SEPTIN12: variants seen among roughly 807,000 people sequenced by gnomAD.
The protein encoded by SEPTIN12 is septin-12.
A neutral mutation model predicts 37.7 loss-of-function variants in SEPTIN12; 42 were observed. That is an observed-to-expected ratio of 1.11 (90% CI 0.87 to 1.44). The LOEUF (loss-of-function observed/expected upper bound fraction) is 1.44. Among genes scored for constraint, SEPTIN12 ranks in the 40% most tolerant of loss-of-function variants. The pLI is 0.00. For synonymous variants in SEPTIN12, 254 were observed against 196.7 expected (o/e 1.29, Z -2.44); for missense variants, 613 against 479.2 (o/e 1.28, Z -2.61).
In SEPTIN12 at chr16:4,779,924, C is replaced by G; in HGVS notation, c.727-138G>C. ...CATGGTAGAAAGTGCACAGAATTCC[C>G]AAGTTCAAAGACATAAAGTCTAATT... is the stretch of plus-strand genomic sequence containing the variant. On this transcript the variant is annotated intron_variant, in intron 7 of 9. Coordinates refer to ENST00000268231, the MANE Select transcript of SEPTIN12 (RefSeq NM_144605.5). 5 of 678,142 alleles carry G rather than the reference C, an allele frequency of 7.4e-6. No individual in the cohort carries two copies. The South Asian group carries it at 8.0e-5, about 11-fold the overall frequency. 42.0% of individuals were successfully genotyped at this position (678,142 alleles called of 1,614,324 possible).
At chr16:4,785,437 C>T (rs892909792) in intron 4 of SEPTIN12, among the ~76,000 whole-genome samples, 9 of 151,740 alleles carry the variant, frequency 5.9e-5, no homozygotes, top group Admixed American at 2.0e-4. Flanking sequence ...GGGAGGGGCA[C>T]GGACAGGAGG....
At chr16:4,785,708 G>T (rs540295564) in intron 4 of SEPTIN12, 99 bp downstream of exon 4, 13 of 832,200 alleles carry the variant, frequency 1.6e-5, no homozygotes, top group Non-Finnish European at 1.8e-5. Context: ...AACCTGGGAG[G>T]TGGAGGTTGC....
Position 4,785,906 on chromosome 16 carries a change from A to G in SEPTIN12, c.293-18T>C. 7.1e-7 allele frequency: 1 copy of G among 1,413,002 alleles called. No homozygotes were observed. Among genetic ancestry groups the G allele is most frequent in the South Asian group, 1.1e-5 (1 of 87,904 alleles). 87.5% of individuals were successfully genotyped at this position (1,413,002 alleles called of 1,614,324 possible). A position where few individuals can be genotyped will look rare whatever the true frequency, so the allele number is the denominator to read the frequency against. ...CTCTATGACTGTGGAGGGAGAGCAG[A>G]GTCGGGAGAGACTGGACCCAGGTGG... is the stretch of plus-strand genomic sequence containing the variant. On this transcript the variant is annotated intron_variant, in intron 3 of 9. Coordinates refer to ENST00000268231, the MANE Select transcript of SEPTIN12 (RefSeq NM_144605.5).
rs952525438 is a variant in SEPTIN12 at position 4,782,610 on chromosome 16, C to CT, written c.726+851dup. On this transcript the variant is annotated intron_variant, in intron 7 of 9. Transcript: ENST00000268231. ...CAGTTCCTCCACATCTTCCACAGCACTTTTTTTTTTAAGCTGGAGTTTTGC... is the reference window on the plus strand; with the variant it reads ...CAGTTCCTCCACATCTTCCACAGCACTTTTTTTTTTTAAGCTGGAGTTTTGC... 2.1e-3 allele frequency among the ~76,000 whole-genome samples: 314 copies of CT among 148,994 alleles called. 3 individuals are homozygous for CT. The East Asian group carries it at 0.048, about 23-fold the overall frequency.
At chr16:4,790,562 G>T (rs912002525), upstream of SEPTIN12, among the ~76,000 whole-genome samples, 4 of 152,176 alleles carry the variant, frequency 2.6e-5, no homozygotes, top group Non-Finnish European at 5.9e-5. Flanking sequence ...GGCCAAGGTG[G>T]GCAGATCACT....
At chr16:4,782,623 G>A (rs1447156302) in intron 7 of SEPTIN12, among the ~76,000 whole-genome samples, 1 of 151,632 alleles carries the variant, frequency 6.6e-6, no homozygotes, top group East Asian at 1.9e-4. Context: ...TTTTTTTTAA[G>A]CTGGAGTTTT....
upstream of SEPTIN12, among the ~76,000 whole-genome samples, chr16:4,790,234 T>C (rs1390285346): frequency 2.0e-5 from 3 of 152,178 alleles, no homozygotes; most frequent in Admixed American, 2.0e-4. Flanking sequence ...GGTCCCTATT[T>C]TAGGCTTTGC....
Position 4,777,725 on chromosome 16 carries a change from T to C in SEPTIN12, c.*72A>G. ...AGCAAGGCTCACATTTAATAGATGC[T>C]CTGGTACATAGGTGTGTGTTGAGAG... is the stretch of plus-strand genomic sequence containing the variant. On this transcript the variant is annotated 3_prime_UTR_variant, in exon 10 of 10. Transcript: ENST00000268231. 1 of 1,081,198 alleles carries C rather than the reference T, an allele frequency of 9.2e-7. No individual in the cohort carries two copies. The highest frequency in any genetic ancestry group is 2.9e-5 in the Admixed American group (1 of 34,006). 67.0% of individuals were successfully genotyped at this position (1,081,198 alleles called of 1,614,324 possible).
rs1596254891 is a variant in SEPTIN12 at position 4,783,872 on chromosome 16, C to T, written c.512+59G>A. ...AGCCGGCAGCCCATGGTGGGGACCC[C>T]TTCTCCTCCTCCCTGCCCCGTGCAG... On this transcript the variant is annotated intron_variant, in intron 5 of 9. Coordinates refer to ENST00000268231, the MANE Select transcript of SEPTIN12 (RefSeq NM_144605.5). The T allele has an allele frequency of 2.5e-6, 4 of 1,609,358 alleles. No homozygotes were observed. The East Asian group carries it at 6.7e-5, about 27-fold the overall frequency.
rs758121651 is a variant in SEPTIN12, at chr16:4,777,788, C to T, written c.*9G>A. On this transcript the variant is annotated 3_prime_UTR_variant, in exon 10 of 10. Transcript: ENST00000268231. ...CAGGAAGCCCAGCAGCCCCGGGATCCGCCGGTGGTCAGAACTCATCATCAG... is the reference window on the plus strand; with the variant it reads ...CAGGAAGCCCAGCAGCCCCGGGATCTGCCGGTGGTCAGAACTCATCATCAG... 1.3e-5 allele frequency: 19 copies of T among 1,505,710 alleles called. No homozygotes were observed. Among genetic ancestry groups the T allele is most frequent in the South Asian group, 1.1e-4 (8 of 76,168 alleles). The allele number at this position is 1,505,710 out of a possible 1,614,324, so 93.3% of individuals were successfully genotyped here.
rs114013001 is a variant in SEPTIN12 at position 4,781,216 on chromosome 16, G to C, written c.727-1430C>G. On this transcript the variant is annotated intron_variant, in intron 7 of 9. Transcript: ENST00000268231. Reference sequence around the variant, plus strand: ...AGGGGTTGCAGTGAGCGGAGATCACGCCACTATACTCCAGCTTGGGTGACA... The same window carrying C: ...AGGGGTTGCAGTGAGCGGAGATCACCCCACTATACTCCAGCTTGGGTGACA... 1.6e-4 allele frequency among the ~76,000 whole-genome samples: 24 copies of C among 150,626 alleles called. No homozygotes were observed. In the East Asian group the frequency reaches 3.7e-3, roughly 23 times the overall value.
Position 4,787,522 on chromosome 16 carries a change from T to C in SEPTIN12, c.124A>G (p.Lys42Glu), listed in dbSNP as rs772849246. ...AACTCAAACCCCATCTTCATAGCCTTGATCTTCAGCTGGTCCAGCACAGCC... is the reference window on the plus strand; with the variant it reads ...AACTCAAACCCCATCTTCATAGCCTCGATCTTCAGCTGGTCCAGCACAGCC... ...IEAVLDQLKIKAMKMGFEFNI... is the reference protein window; with the variant it reads ...IEAVLDQLKIEAMKMGFEFNI... The change falls in exon 2 of 10, where the codon AAG becomes GAG. Residue 42 changes from lysine to glutamate, a missense_variant. Physicochemically the swap from Lys to Glu is moderately conservative, Grantham distance 56 (BLOSUM62 1). Coordinates refer to ENST00000268231, the MANE Select transcript of SEPTIN12 (RefSeq NM_144605.5). The C allele has an allele frequency of 6.2e-7, 1 of 1,613,092 alleles. No homozygotes were observed. The highest frequency in any genetic ancestry group is 8.5e-7 in the Non-Finnish European group (1 of 1,180,000).
In SEPTIN12 at chr16:4,779,722, A is replaced by G. The variant is rs2082352071; in HGVS notation, c.791T>C (p.Leu264Pro). Reference protein sequence around the residue: ...QEHLVNGRCVLGRKTKWGIIE... With the variant: ...QEHLVNGRCVPGRKTKWGIIE... ...GATGCCCCACTTGGTCTTCCGGCCCAGGACACACCTCCCGTTCACCAGGTG... is the reference window on the plus strand; with the variant it reads ...GATGCCCCACTTGGTCTTCCGGCCCGGGACACACCTCCCGTTCACCAGGTG... Residue 264 changes from leucine to proline, a missense_variant, in exon 8 of 10, where the codon CTG becomes CCG. Leu to Pro is a moderately conservative substitution (Grantham distance 98). Transcript: ENST00000268231. 6.2e-7 allele frequency: 1 copy of G among 1,613,662 alleles called. No homozygotes were observed. The highest frequency in any genetic ancestry group is 1.7e-5 in the Admixed American group (1 of 59,984).
intron 7 of SEPTIN12, chr16:4,783,178 G>C: frequency 2.5e-6 from 1 of 396,550 alleles, no homozygotes; most frequent in Non-Finnish European, 4.7e-6. Flanking sequence ...CAAACTGCTG[G>C]GATTACAGGC....
chr16:4,781,589 A>G (rs910564205), intron 7 of SEPTIN12, among the ~76,000 whole-genome samples: 8 of 151,510 alleles, frequency 5.3e-5, no homozygotes, highest in Admixed American at 2.6e-4. Flanking sequence ...TCTGAGAAAC[A>G]TGTTTACAAG....
chr16:4,786,380 A>G (rs2082446072), intron 2 of SEPTIN12, among the ~76,000 whole-genome samples: 1 of 126,656 alleles, frequency 7.9e-6, no homozygotes, highest in Non-Finnish European at 1.6e-5. Context: ...TTTGAGACGC[A>G]GTCTCGCTCT....
At chr16:4,791,194 T>C (rs1596265375), upstream of SEPTIN12, among the ~76,000 whole-genome samples, 1 of 152,054 alleles carries the variant, frequency 6.6e-6, no homozygotes, top group Admixed American at 6.6e-5. Context: ...CCTCACTGGG[T>C]GCCAGTAGGG....
At chr16:4,786,135 AG>A in intron 2 of SEPTIN12, 30 bp from the exon 3 acceptor site, 1 of 1,548,148 alleles carries the variant, frequency 6.5e-7, no homozygotes, top group Non-Finnish European at 8.7e-7. Context: ...GACAGCAGTT[AG>A]GGTGGGCGTT....
chr16:4,786,180 A>G (rs143219281), intron 2 of SEPTIN12, 75 bp from the exon 3 acceptor site: 8 of 1,507,648 alleles, frequency 5.3e-6, no homozygotes, highest in Admixed American at 2.2e-5. Context: ...TTACTTTTCT[A>G]TTTTATTTTT....
Sources: allele counts gnomAD v4.1 joint callset (sites outside exome capture counted in the v4.1 genomes callset), GRCh38; gene constraint gnomAD v4.1.1; transcripts MANE v1.5; gene names NCBI Gene and HGNC (gene_info 2026-07-23, HGNC 2026-07-21).